Variants in PYGB observed in about 807,000 individuals in gnomAD.
The protein encoded by PYGB is glycogen phosphorylase B, also known as glycogen phosphorylase, brain form.
In PYGB, 82 loss-of-function variants were observed where a neutral mutation model predicts 94.3. That is an observed-to-expected ratio of 0.87 (90% CI 0.73 to 1.04). The LOEUF (loss-of-function observed/expected upper bound fraction) is 1.04, where lower values mean the gene tolerates loss of function less well. Among genes scored for constraint, PYGB ranks in the 50% least tolerant of loss-of-function variants. The probability of loss-of-function intolerance (pLI) is 0.00; values close to 1 mark genes in which losing one functional copy is unlikely to be tolerated. For synonymous variants in PYGB, 488 were observed against 479.1 expected (o/e 1.02, Z -0.24); for missense variants, 1,132 against 1,158.2 (o/e 0.98, Z 0.33).
chr20:25,252,439 G>T (rs564740044), intron 1 of PYGB, among the ~76,000 whole-genome samples: 3 of 152,274 alleles, frequency 2.0e-5, no homozygotes, highest in Admixed American at 1.3e-4. Context: ...TGTCTACCTA[G>T]ATGTAGCCTC....
chr20:25,266,052 T>C (rs1474542321), intron 2 of PYGB, among the ~76,000 whole-genome samples: 3 of 152,134 alleles, frequency 2.0e-5, no homozygotes, highest in Admixed American at 6.5e-5. Flanking sequence ...GGTTTCACCA[T>C]GTTGGTCAGG....
intron 14 of PYGB, among the ~76,000 whole-genome samples, chr20:25,286,307 G>C (rs1600738985): frequency 6.6e-6 from 1 of 152,206 alleles, no homozygotes; most frequent in African/African-American, 2.4e-5. Context: ...ACTTCTCTCA[G>C]GACTTGGTTT....
chr20:25,295,920 G>C (rs561470014), intron 19 of PYGB, among the ~76,000 whole-genome samples: 3 of 152,202 alleles, frequency 2.0e-5, no homozygotes, highest in African/African-American at 4.8e-5. Context: ...ACTGAGTGAC[G>C]GGCAGGGCCC....
At chr20:25,267,666 G>T (rs976968498) in intron 2 of PYGB, among the ~76,000 whole-genome samples, 2 of 152,112 alleles carry the variant, frequency 1.3e-5, no homozygotes, top group East Asian at 3.8e-4. Context: ...GAGTAGCTGG[G>T]ACTGTAGGCG....
intron 5 of PYGB, 29 bp from the exon 6 acceptor site, chr20:25,276,617 C>T: frequency 1.3e-6 from 2 of 1,595,970 alleles, no homozygotes; most frequent in African/African-American, 2.7e-5. Context: ...CCTTGCCACT[C>T]CGTCCTGAGC....
At chr20:25,270,238 C>T (rs1296837953) in intron 3 of PYGB, among the ~76,000 whole-genome samples, 11 of 147,564 alleles carry the variant, frequency 7.5e-5, no homozygotes, top group Non-Finnish European at 1.3e-4. Flanking sequence ...AGTCTCACTC[C>T]GTCGGCCAGG....
At chr20:25,279,234 T>TCTTC in intron 9 of PYGB, 85 bp downstream of exon 9, 2 of 1,386,816 alleles carry the variant, frequency 1.4e-6, no homozygotes, top group South Asian at 2.5e-5. Context: ...CTGGGGGGCC[T>TCTTC]CTTCCCTGGC....
At chr20:25,265,473 C>G (rs1051099549) in intron 2 of PYGB, among the ~76,000 whole-genome samples, 1 of 152,108 alleles carries the variant, frequency 6.6e-6, no homozygotes, top group African/African-American at 2.4e-5. Context: ...TTCCTGATAA[C>G]TAATGATGCT....
At chr20:25,287,122 A>T (rs183173601) in intron 14 of PYGB, among the ~76,000 whole-genome samples, 2 of 152,296 alleles carry the variant, frequency 1.3e-5, no homozygotes, top group Admixed American at 1.3e-4. Context: ...AAATCTGCAA[A>T]CAAATGACCT....
intron 1 of PYGB, among the ~76,000 whole-genome samples, chr20:25,249,105 G>C (rs2092880123): frequency 6.6e-6 from 1 of 152,186 alleles, no homozygotes; most frequent in Non-Finnish European, 1.5e-5. Flanking sequence ...AAATTTGTTT[G>C]AGTAGTGAAA....
intron 2 of PYGB, among the ~76,000 whole-genome samples, chr20:25,261,812 C>T (rs541127226): frequency 6.6e-5 from 10 of 152,308 alleles, no homozygotes. Flanking sequence ...AAAACCATGG[C>T]ACGAGAACTA....
At chr20:25,286,482 G>A (rs1041933339) in intron 14 of PYGB, among the ~76,000 whole-genome samples, 2 of 152,174 alleles carry the variant, frequency 1.3e-5, no homozygotes, top group African/African-American at 4.8e-5. Flanking sequence ...TGTGATTTGC[G>A]AAGGGGTTCA....
chr20:25,265,444 T>TA (rs1158407289), intron 2 of PYGB, among the ~76,000 whole-genome samples: 1 of 152,218 alleles, frequency 6.6e-6, no homozygotes, highest in Non-Finnish European at 1.5e-5. Flanking sequence ...AATGGTATGT[T>TA]ATAGTTTTTA....
chr20:25,250,395 T>A (rs186195633), intron 1 of PYGB, among the ~76,000 whole-genome samples: 289 of 152,322 alleles, frequency 1.9e-3, no homozygotes, highest in Admixed American at 3.7e-3. Flanking sequence ...AGATCTCTTT[T>A]GATTGTCTAC....
intron 9 of PYGB, among the ~76,000 whole-genome samples, chr20:25,279,446 A>G (rs1052451897): frequency 1.3e-5 from 2 of 152,114 alleles, no homozygotes; most frequent in Non-Finnish European, 2.9e-5. Flanking sequence ...CCAAAGCGTT[A>G]AGTGTTTAGA....
chr20:25,257,822 G>T (rs1399312971), intron 1 of PYGB, among the ~76,000 whole-genome samples: 2 of 152,156 alleles, frequency 1.3e-5, no homozygotes, highest in South Asian at 4.1e-4. Context: ...TTTCGCACTG[G>T]TTAATAAACC....
At chr20:25,260,226 C>T (rs1275387277) in intron 2 of PYGB, among the ~76,000 whole-genome samples, 1 of 152,174 alleles carries the variant, frequency 6.6e-6, no homozygotes, top group East Asian at 1.9e-4. Flanking sequence ...TTGTCATTTA[C>T]GTCTGTTTAC....
chr20:25,295,243 C>T (rs2088522352), intron 18 of PYGB, among the ~76,000 whole-genome samples: 1 of 152,272 alleles, frequency 6.6e-6, no homozygotes, highest in Non-Finnish European at 1.5e-5. Context: ...CAAGTGCCCC[C>T]TGCCCTGAGG....
intron 5 of PYGB, 135 bp downstream of exon 5, chr20:25,274,858 G>A: frequency 7.3e-7 from 1 of 1,367,702 alleles, no homozygotes; most frequent in Non-Finnish European, 9.9e-7. Flanking sequence ...TAAAAGCCGG[G>A]GGAGGTTTAT....
Sources: gnomAD v4.1 joint callset for allele counts (sites outside exome capture counted in the v4.1 genomes callset) on GRCh38, gnomAD v4.1.1 for gene constraint, MANE v1.5 for transcripts, NCBI Gene and HGNC (gene_info 2026-07-23, HGNC 2026-07-21) for gene names.